Variants in NF1 observed in about 807,000 individuals in gnomAD.
NF1 encodes the protein neurofibromin.
Under a neutral mutation model 325.7 loss-of-function variants are expected in NF1, and 122 were observed. The ratio of observed to expected loss-of-function variants is 0.37; its 90% CI spans 0.32 to 0.44. The LOEUF (loss-of-function observed/expected upper bound fraction) is 0.44, where lower values mean the gene tolerates loss of function less well. NF1 is among the 20% of genes least tolerant of loss of function. The pLI is 1.00. For synonymous variants in NF1, 1,091 were observed against 1,186.0 expected (o/e 0.92, Z 1.65); for missense variants, 2,140 against 3,415.4 (o/e 0.63, Z 9.31).
intron 5 of NF1, 26 bp downstream of exon 5, chr17:31,170,023 G>GA (rs1375881272): frequency 1.3e-5 from 19 of 1,477,922 alleles, no homozygotes; most frequent in East Asian, 2.3e-5. Flanking sequence ...TAATATATCT[G>GA]AAAAAAATCA....
At chr17:31,320,591 T>A (rs1169748636) in intron 36 of NF1, 7 of 570,170 alleles carry the variant, frequency 1.2e-5, no homozygotes, top group Non-Finnish European at 1.9e-5. Flanking sequence ...TAATAAACAA[T>A]GCTAACTGGA....
At chr17:31,137,759 G>C (rs1915885662) in intron 1 of NF1, 2 of 150,678 alleles carry the variant, frequency 1.3e-5, no homozygotes, top group Admixed American at 6.6e-5. Flanking sequence ...TTGAGACCTT[G>C]AATGTTTGAG....
Position 31,375,687 on chromosome 17 carries a change from G to A in NF1, c.*1532G>A, listed in dbSNP as rs1265979881. 8.6e-6 allele frequency: 2 copies of A among 232,700 alleles called. No individual in the cohort carries two copies. Among genetic ancestry groups the A allele is most frequent in the African/African-American group, 2.2e-5 (1 of 45,276 alleles). 14.4% of individuals were successfully genotyped at this position (232,700 alleles called of 1,614,324 possible). Reference sequence around the variant, plus strand: ...TTCCTGTAGTGCTGTTTCATTAGAGGATTTCAGTAAATTAAATTCCACAGC... The same window carrying A: ...TTCCTGTAGTGCTGTTTCATTAGAGAATTTCAGTAAATTAAATTCCACAGC... On this transcript the variant is annotated 3_prime_UTR_variant, in exon 58 of 58. Coordinates refer to ENST00000358273, the MANE Select transcript of NF1 (RefSeq NM_001042492.3).
intron 29 of NF1, among the ~76,000 whole-genome samples, chr17:31,246,409 A>G (rs2067391997): frequency 6.6e-6 from 1 of 152,262 alleles, no homozygotes; most frequent in South Asian, 2.1e-4. Flanking sequence ...ACTCTAAGGA[A>G]TCTACAGCAA....
chr17:31,354,222 T>A (rs1216313249), intron 51 of NF1, among the ~76,000 whole-genome samples: 1 of 152,250 alleles, frequency 6.6e-6, no homozygotes, highest in East Asian at 1.9e-4. Context: ...TATGTCTTGA[T>A]GGAGAAAGCT....
At chr17:31,143,161 G>A (rs1285804017) in intron 1 of NF1, among the ~76,000 whole-genome samples, 2 of 152,122 alleles carry the variant, frequency 1.3e-5, no homozygotes, top group African/African-American at 4.8e-5. Flanking sequence ...TCTTGCTTAG[G>A]AAAATCTTTA....
chr17:31,320,358 A>G (rs1307132575), intron 36 of NF1: 2 of 1,554,340 alleles, frequency 1.3e-6, no homozygotes, highest in Non-Finnish European at 1.7e-6. Context: ...AAAAAAAAAA[A>G]AGGCAGATTC....
Position 31,168,061 on chromosome 17 carries a change from T to C in NF1, c.480-1830T>C, listed in dbSNP as rs865896426. On this transcript the variant is annotated intron_variant, in intron 4 of 57. Coordinates refer to ENST00000358273, the MANE Select transcript of NF1 (RefSeq NM_001042492.3). Reference sequence around the variant, plus strand: ...TCTAGTTGATAAAAGTAGAAGTTAGTAAAATCAAGTTTACTTATTATAGTT... The same window carrying C: ...TCTAGTTGATAAAAGTAGAAGTTAGCAAAATCAAGTTTACTTATTATAGTT... 3.3e-5 allele frequency among the ~76,000 whole-genome samples: 5 copies of C among 152,316 alleles called. No individual in the cohort carries two copies. In the Middle Eastern group the frequency reaches 0.014, roughly 417 times the overall value.
At chr17:31,271,224 C>G (rs1434400259) in intron 36 of NF1, among the ~76,000 whole-genome samples, 1 of 152,180 alleles carries the variant, frequency 6.6e-6, no homozygotes, top group Non-Finnish European at 1.5e-5. Context: ...TTCCAGGCAT[C>G]TGATTTACAA....
chr17:31,315,383 A>G (rs1173097280), intron 36 of NF1, among the ~76,000 whole-genome samples: 1 of 152,182 alleles, frequency 6.6e-6, no homozygotes, highest in African/African-American at 2.4e-5. Context: ...ATAATTATAC[A>G]TTTTAAAATA....
In NF1 at chr17:31,235,662, TACC is replaced by T; in HGVS notation, c.3762_3764del (p.Tyr1254_Gln1255delinsTer). On this transcript the variant is annotated stop_gained and inframe_deletion, in exon 28 of 58. Coordinates refer to ENST00000358273, the MANE Select transcript of NF1 (RefSeq NM_001042492.3). LOFTEE classifies it high-confidence loss of function. ...TCTGTTTGATTCTCGGCATTTACTC[TACC>T]AACTGCTCTGGAACATGTTTTCTAA... The T allele has an allele frequency of 6.2e-7, 1 of 1,614,180 alleles. No homozygotes were observed. The highest frequency in any genetic ancestry group is 1.3e-5 in the African/African-American group (1 of 75,062).
At chr17:31,206,086 G>A (rs1417020173) in intron 11 of NF1, among the ~76,000 whole-genome samples, 154 bp from the exon 12 acceptor site, 4 of 152,092 alleles carry the variant, frequency 2.6e-5, no homozygotes, top group Admixed American at 2.0e-4. Context: ...AATTAAAGAC[G>A]TTGTTTGAAG....
rs2143774947 is a variant in NF1 at position 31,181,502 on chromosome 17, C to T, written c.654+13C>T. On this transcript the variant is annotated intron_variant, in intron 6 of 57. Transcript: ENST00000358273. ...TAGCCTGGAAAAGGTAAGTTACAAC[C>T]TCTCTGGTATTAAAATTTTGTTTTT... 1.2e-6 allele frequency: 2 copies of T among 1,611,792 alleles called. No homozygotes were observed. Among genetic ancestry groups the T allele is most frequent in the Non-Finnish European group, 1.7e-6 (2 of 1,178,176 alleles).
chr17:31,335,687 AT>A (rs968804050), intron 40 of NF1, among the ~76,000 whole-genome samples: 2 of 149,010 alleles, frequency 1.3e-5, no homozygotes, highest in African/African-American at 2.5e-5. Context: ...CCTATATTTT[AT>A]TTTTTTTTGA....
intron 3 of NF1, among the ~76,000 whole-genome samples, chr17:31,160,251 A>G (rs946955089): frequency 6.6e-6 from 1 of 151,574 alleles, no homozygotes; most frequent in Non-Finnish European, 1.5e-5. Flanking sequence ...ATGCTCAGCT[A>G]TTTTTTTTGT....
intron 27 of NF1, among the ~76,000 whole-genome samples, 199 bp downstream of exon 27, chr17:31,233,412 C>T (rs1376539319): frequency 1.3e-5 from 2 of 152,172 alleles, no homozygotes; most frequent in African/African-American, 2.4e-5. Flanking sequence ...ATCATTTCAT[C>T]CTACTAAAAA....
intron 1 of NF1, among the ~76,000 whole-genome samples, chr17:31,117,670 C>T (rs71373665): frequency 8.2e-5 from 1 of 12,216 alleles, no homozygotes; most frequent in Non-Finnish European, 2.8e-4. Context: ...AAAACTCCAT[C>T]TCAAAAAAAA....
At chr17:31,342,913 CT>C in intron 47 of NF1, 95 bp from the exon 48 acceptor site, 1 of 1,454,030 alleles carries the variant, frequency 6.9e-7, no homozygotes, top group South Asian at 1.2e-5. Flanking sequence ...GAAAGGATTA[CT>C]TATCTTGTCA....
chr17:31,194,626 G>T (rs1276797276), intron 8 of NF1, among the ~76,000 whole-genome samples: 3 of 152,008 alleles, frequency 2.0e-5, no homozygotes, highest in Non-Finnish European at 2.9e-5. Flanking sequence ...ATGTTACTAT[G>T]TTCTTCATAA....
Sources: allele counts gnomAD v4.1 joint callset (sites outside exome capture counted in the v4.1 genomes callset), GRCh38; gene constraint gnomAD v4.1.1; transcripts MANE v1.5; gene names NCBI Gene and HGNC (gene_info 2026-07-23, HGNC 2026-07-21).